The following ATOSA variants were observed in gnomAD, a reference collection of about 807,000 sequenced individuals.
ATOSA encodes the protein atos homolog protein A.
chr15:52,631,819 C>A, the ATOSA span, among the ~76,000 whole-genome samples: 11 of 152,168 alleles, frequency 7.2e-5, no homozygotes, highest in South Asian at 6.2e-4. Context: ...CCCATTGTAA[C>A]CTCAAACTCC....
chr15:52,617,218 A>G, the ATOSA span, among the ~76,000 whole-genome samples: 1 of 151,838 alleles, frequency 6.6e-6, no homozygotes, highest in Non-Finnish European at 1.5e-5. Flanking sequence ...AGAGAAAGTG[A>G]TCTCCTCTCT....
chr15:52,581,689 T>C, the ATOSA span: 1 of 152,904 alleles, frequency 6.5e-6, no homozygotes, highest in Non-Finnish European at 1.5e-5. Context: ...CAACATTTTA[T>C]TCTCATTTTC....
At chr15:52,651,895 A>C in the ATOSA span, 1 of 1,535,544 alleles carries the variant, frequency 6.5e-7, no homozygotes, top group East Asian at 2.4e-5. Context: ...CTTTGTTTCC[A>C]CTGAAAACCA....
the ATOSA span, among the ~76,000 whole-genome samples, chr15:52,622,150 A>G: frequency 7.2e-5 from 11 of 152,182 alleles, no homozygotes; most frequent in East Asian, 1.9e-4. Context: ...CTGGCCTACT[A>G]TTTCTTAAAG....
the ATOSA span, among the ~76,000 whole-genome samples, chr15:52,592,902 C>T: frequency 6.6e-6 from 1 of 152,102 alleles, no homozygotes; most frequent in Non-Finnish European, 1.5e-5. Flanking sequence ...AATCCCAACA[C>T]TTGGAAGGCC....
At chr15:52,640,959 G>T in the ATOSA span, among the ~76,000 whole-genome samples, 1 of 152,004 alleles carries the variant, frequency 6.6e-6, no homozygotes, top group African/African-American at 2.4e-5. Context: ...ATATTCAAAG[G>T]AAATGAAATC....
At chr15:52,699,841 G>A in the ATOSA span, among the ~76,000 whole-genome samples, 2 of 152,170 alleles carry the variant, frequency 1.3e-5, no homozygotes, top group Non-Finnish European at 2.9e-5. Flanking sequence ...GAAATCTGAA[G>A]GATACTAGTG....
the ATOSA span, among the ~76,000 whole-genome samples, chr15:52,650,853 C>T: frequency 6.6e-6 from 1 of 152,148 alleles, no homozygotes; most frequent in African/African-American, 2.4e-5. Flanking sequence ...GTAAAATGGG[C>T]AATATGCTAA....
the ATOSA span, among the ~76,000 whole-genome samples, chr15:52,582,920 TC>T: frequency 6.6e-6 from 1 of 152,252 alleles, no homozygotes; most frequent in South Asian, 2.1e-4. Flanking sequence ...GGATTTGGAA[TC>T]TTCACTCACA....
At chr15:52,582,946 A>T in the ATOSA span, among the ~76,000 whole-genome samples, 18 of 152,258 alleles carry the variant, frequency 1.2e-4, no homozygotes, top group Admixed American at 5.2e-4. Flanking sequence ...CTTACCTACC[A>T]AACAGACAAA....
the ATOSA span, among the ~76,000 whole-genome samples, chr15:52,676,965 G>C: frequency 6.6e-6 from 1 of 152,100 alleles, no homozygotes; most frequent in African/African-American, 2.4e-5. Flanking sequence ...TACATACATA[G>C]CTGCTGCCTG....
At chr15:52,627,800 G>A in the ATOSA span, among the ~76,000 whole-genome samples, 1 of 152,038 alleles carries the variant, frequency 6.6e-6, no homozygotes, top group African/African-American at 2.4e-5. Flanking sequence ...TTACATTCGT[G>A]TATGTTCCTG....
chr15:52,629,563 G>A, the ATOSA span: 7 of 340,658 alleles, frequency 2.1e-5, no homozygotes, highest in Non-Finnish European at 2.4e-5. Context: ...CAGCACTTTG[G>A]CAGGCTGAGG....
the ATOSA span, among the ~76,000 whole-genome samples, chr15:52,637,469 T>C: frequency 6.6e-6 from 1 of 152,158 alleles, no homozygotes; most frequent in Non-Finnish European, 1.5e-5. Flanking sequence ...TTATCCATGC[T>C]CAATCACCCA....
the ATOSA span, among the ~76,000 whole-genome samples, chr15:52,610,649 A>G: frequency 3.3e-5 from 5 of 152,228 alleles, no homozygotes; most frequent in African/African-American, 1.2e-4. Context: ...TAACTTAAAA[A>G]TATTTGTTAA....
the ATOSA span, among the ~76,000 whole-genome samples, chr15:52,631,201 G>C: frequency 6.6e-6 from 1 of 152,118 alleles, no homozygotes; most frequent in East Asian, 1.9e-4. Context: ...AAATAAACCT[G>C]TTTTTAAAAT....
chr15:52,691,065 G>A, the ATOSA span, among the ~76,000 whole-genome samples: 2 of 152,168 alleles, frequency 1.3e-5, no homozygotes, highest in South Asian at 2.1e-4. Flanking sequence ...CCCAGGGGGA[G>A]TGGAGAGTTG....
chr15:52,604,579 C>T, the ATOSA span, among the ~76,000 whole-genome samples: 1 of 152,142 alleles, frequency 6.6e-6, no homozygotes, highest in African/African-American at 2.4e-5. Context: ...TACTAACCAT[C>T]CTCACAACAC....
chr15:52,634,069 G>A, the ATOSA span, among the ~76,000 whole-genome samples: 1 of 151,904 alleles, frequency 6.6e-6, no homozygotes, highest in East Asian at 1.9e-4. Flanking sequence ...CAAAACCCAA[G>A]AGGTATAACT....
Sources: allele counts gnomAD v4.1 joint callset (sites outside exome capture counted in the v4.1 genomes callset), GRCh38; gene constraint gnomAD v4.1.1; transcripts MANE v1.5; gene names NCBI Gene and HGNC (gene_info 2026-07-23, HGNC 2026-07-21).